TRMT11: variants seen among roughly 807,000 people sequenced by gnomAD.
TRMT11 encodes tRNA (guanine(10)-N(2))-methyltransferase TRMT11.
A neutral mutation model predicts 62.8 loss-of-function variants in TRMT11; 53 were observed. The observed-to-expected ratio is 0.84, with a 90% CI of 0.68 to 1.06. The LOEUF (loss-of-function observed/expected upper bound fraction) is 1.06. TRMT11 is among the 50% of genes least tolerant of loss of function. The pLI is 0.00. For missense variants in TRMT11, 556 were observed against 553.4 expected (o/e 1.00, Z -0.05); for synonymous variants, 188 against 190.3 (o/e 0.99, Z 0.10).
chr6:126,183,561 G>A (rs1476013449), intron 1 of TRMT11, among the ~76,000 whole-genome samples: 3 of 152,098 alleles, frequency 2.0e-5, no homozygotes, highest in Admixed American at 2.0e-4. Context: ...AGAGTGGAGG[G>A]CCTTTTAAAG....
chr6:126,007,728 AGTT>A (rs761905172), intron 7 of TRMT11, among the ~76,000 whole-genome samples: 1 of 151,988 alleles, frequency 6.6e-6, no homozygotes, highest in Non-Finnish European at 1.5e-5. Context: ...GTATTGGGAC[AGTT>A]GTTCTTACTT....
At chr6:126,024,433 T>C (rs938138722) in intron 12 of TRMT11, among the ~76,000 whole-genome samples, 2 of 152,202 alleles carry the variant, frequency 1.3e-5, no homozygotes, top group African/African-American at 2.4e-5. Flanking sequence ...ATTTAGACAG[T>C]GTCTCACTCT....
downstream of TRMT11, among the ~76,000 whole-genome samples, chr6:126,208,218 T>C (rs1392644614): frequency 2.0e-5 from 3 of 152,302 alleles, no homozygotes; most frequent in Admixed American, 2.0e-4. Context: ...TTACTCTCTT[T>C]TTGGAGCTTC....
intron 17 of TRMT11, among the ~76,000 whole-genome samples, chr6:126,078,773 G>A (rs1777091980): frequency 1.3e-5 from 2 of 152,296 alleles, no homozygotes; most frequent in African/African-American, 2.4e-5. Flanking sequence ...TGAAGTTTGA[G>A]TGCTCTTGTC....
the TRMT11 span, among the ~76,000 whole-genome samples, chr6:126,214,230 C>T: frequency 6.6e-6 from 1 of 151,910 alleles, no homozygotes; most frequent in African/African-American, 2.4e-5. Flanking sequence ...GTTTTGGTAT[C>T]AAGGTAATAC....
chr6:126,098,581 T>A (rs895525908), intron 17 of TRMT11, among the ~76,000 whole-genome samples: 1 of 152,222 alleles, frequency 6.6e-6, no homozygotes, highest in Non-Finnish European at 1.5e-5. Context: ...AGCAATTCTC[T>A]GTCTTTCACC....
intron 12 of TRMT11, among the ~76,000 whole-genome samples, chr6:126,031,104 T>C (rs542361896): frequency 2.2e-4 from 33 of 152,276 alleles, no homozygotes; most frequent in Non-Finnish European, 8.8e-5. Context: ...TGATAACTGC[T>C]GTTTGCTCTG....
intron 12 of TRMT11, among the ~76,000 whole-genome samples, chr6:126,028,547 C>G (rs974558078): frequency 1.3e-5 from 2 of 152,092 alleles, no homozygotes; most frequent in Admixed American, 1.3e-4. Context: ...ATCATGCTGC[C>G]TGAATTCAGT....
At chr6:126,092,278 T>A (rs1356051826) in intron 17 of TRMT11, among the ~76,000 whole-genome samples, 1 of 150,820 alleles carries the variant, frequency 6.6e-6, no homozygotes, top group East Asian at 1.9e-4. Flanking sequence ...ATGGGTAATT[T>A]ATAAAGAAAA....
At chr6:126,131,413 C>T (rs1777780439) in intron 21 of TRMT11, among the ~76,000 whole-genome samples, 1 of 152,030 alleles carries the variant, frequency 6.6e-6, no homozygotes, top group East Asian at 1.9e-4. Context: ...AAAGAGAGAA[C>T]TGCAGGAATT....
Position 126,026,377 on chromosome 6 carries a change from T to C in TRMT11, c.1260+5097T>C, listed in dbSNP as rs572332733. 1.2e-4 allele frequency among the ~76,000 whole-genome samples: 17 copies of C among 147,326 alleles called. No homozygotes were observed. In the East Asian group the frequency reaches 3.3e-3, roughly 28 times the overall value. On this transcript the variant is annotated intron_variant, in intron 12 of 12. Transcript: ENST00000334379. The stretch of plus-strand genomic sequence containing the variant: ...GCCAAGATTAAAAGGTAAATATTCT[T>C]TTTATGTTTTTTTTTAATTTTTTTT...
chr6:126,225,685 A>ATTTT, the TRMT11 span, among the ~76,000 whole-genome samples: 128 of 95,294 alleles, frequency 1.3e-3, 5 homozygotes, highest in African/African-American at 5.1e-3. Flanking sequence ...TATGTTTACT[A>ATTTT]TTTTTTTTTT....
At chr6:126,003,766 G>A (rs1489815302) in intron 7 of TRMT11, among the ~76,000 whole-genome samples, 1 of 151,918 alleles carries the variant, frequency 6.6e-6, no homozygotes, top group Admixed American at 6.6e-5. Context: ...GTAAGCTTGA[G>A]ATACAACCTC....
chr6:126,111,382 G>A (rs749244552), intron 17 of TRMT11, among the ~76,000 whole-genome samples: 1 of 151,994 alleles, frequency 6.6e-6, no homozygotes, highest in Non-Finnish European at 1.5e-5. Flanking sequence ...TCCCTCCTTT[G>A]CCAGGTGCCT....
At chr6:126,114,145 T>A (rs190898209) in intron 18 of TRMT11, among the ~76,000 whole-genome samples, 40 of 152,246 alleles carry the variant, frequency 2.6e-4, no homozygotes, top group Non-Finnish European at 4.0e-4. Context: ...CAGCTTTTTG[T>A]ACATCTGCAC....
At chr6:126,239,454 C>A in the TRMT11 span, among the ~76,000 whole-genome samples, 1 of 152,092 alleles carries the variant, frequency 6.6e-6, no homozygotes, top group African/African-American at 2.4e-5. Flanking sequence ...TTTTATTTCT[C>A]CTTCACTTAT....
intron 1 of TRMT11, chr6:125,986,951 C>T (rs570047558): frequency 9.1e-6 from 3 of 329,962 alleles, no homozygotes; most frequent in African/African-American, 4.3e-5. Flanking sequence ...AACAAATGCT[C>T]AGGCTGGTGT....
At chr6:126,152,203 C>T (rs1426321907) in intron 21 of TRMT11, among the ~76,000 whole-genome samples, 1 of 151,082 alleles carries the variant, frequency 6.6e-6, no homozygotes, top group Non-Finnish European at 1.5e-5. Flanking sequence ...TTTGTAACTT[C>T]CTGAAATGCA....
the TRMT11 span, among the ~76,000 whole-genome samples, chr6:126,259,762 C>T: frequency 6.6e-6 from 1 of 152,084 alleles, no homozygotes; most frequent in Admixed American, 6.5e-5. Flanking sequence ...AGTTTGGGTG[C>T]ATATATATTT....
Sources: allele counts gnomAD v4.1 joint callset (sites outside exome capture counted in the v4.1 genomes callset), GRCh38; gene constraint gnomAD v4.1.1; transcripts MANE v1.5; gene names NCBI Gene and HGNC (gene_info 2026-07-23, HGNC 2026-07-21).